The following CHN2 variants were observed in gnomAD, a reference collection of about 807,000 sequenced individuals.
The protein encoded by CHN2 is beta-chimaerin.
A neutral mutation model predicts 56.3 loss-of-function variants in CHN2; 35 were observed. That is an observed-to-expected ratio of 0.62 (90% CI 0.47 to 0.82). The LOEUF (loss-of-function observed/expected upper bound fraction) is 0.82. Ranked by LOEUF, CHN2 falls within the 40% of genes least tolerant of loss-of-function variation. The pLI is 0.00. For missense variants in CHN2, 491 were observed against 580.5 expected (o/e 0.85, Z 1.58); for synonymous variants, 210 against 212.8 (o/e 0.99, Z 0.12).
At chr7:29,160,274 C>T (rs1794997737) in intron 2 of CHN2, among the ~76,000 whole-genome samples, 1 of 152,190 alleles carries the variant, frequency 6.6e-6, no homozygotes, top group Admixed American at 6.5e-5. Context: ...ATGAGCAGTA[C>T]ATTCTGGAAC....
chr7:29,212,757 G>A (rs137913730), intron 1 of CHN2: 1 of 1,609,896 alleles, frequency 6.2e-7, no homozygotes, highest in African/African-American at 1.3e-5. Context: ...TCTAAGAGGT[G>A]GCAGAAAAAC....
At chr7:29,462,964 C>T (rs1301847378) in intron 6 of CHN2, among the ~76,000 whole-genome samples, 1 of 131,794 alleles carries the variant, frequency 7.6e-6, no homozygotes, top group Non-Finnish European at 1.5e-5. Context: ...TATCCGGGTT[C>T]CCAAGGAAGA....
At position 29,224,671 on chromosome 7, in the gene CHN2, C is replaced by T. The variant is rs186920414; in HGVS notation, c.49+29681C>T. Among the ~76,000 whole-genome samples, 233 of 152,302 alleles carry T rather than the reference C, an allele frequency of 1.5e-3. 1 individual carries two copies. The highest frequency in any genetic ancestry group is 5.3e-3 in the African/African-American group (219 of 41,562). On this transcript the variant is annotated intron_variant, in intron 1 of 12. Coordinates refer to ENST00000222792, the MANE Select transcript of CHN2 (RefSeq NM_004067.4). ...GAGGAACAATTGAAATGGCCTATAA[C>T]AGCTAATCCATATGGGGATAAAGTT...
chr7:29,404,884 A>AT (rs980789349), intron 6 of CHN2, among the ~76,000 whole-genome samples: 1 of 151,856 alleles, frequency 6.6e-6, no homozygotes, highest in Non-Finnish European at 1.5e-5. Flanking sequence ...TTTAGCATAT[A>AT]TTTTTTTCAT....
intron 6 of CHN2, among the ~76,000 whole-genome samples, chr7:29,421,260 G>C (rs1377798378): frequency 6.6e-6 from 1 of 152,192 alleles, no homozygotes; most frequent in African/African-American, 2.4e-5. Context: ...GTCAGCAACA[G>C]AGTCAGCCGC....
chr7:29,358,517 C>T (rs535594649), intron 2 of CHN2, among the ~76,000 whole-genome samples: 6 of 152,196 alleles, frequency 3.9e-5, no homozygotes, highest in African/African-American at 9.6e-5. Context: ...GGCCGGACTG[C>T]GGTGGTGCTA....
intron 1 of CHN2, among the ~76,000 whole-genome samples, chr7:29,252,578 G>GTTTTTTTTTTTTGTTTTGT (rs1788669740): frequency 5.1e-5 from 1 of 19,488 alleles, no homozygotes; most frequent in African/African-American, 3.1e-4. Context: ...TGCATTCTTT[G>GTTTTTTTTTTTTGTTTTGT]TTTTTTTTTT....
intron 2 of CHN2, among the ~76,000 whole-genome samples, chr7:29,167,191 A>C (rs923079362): frequency 6.6e-6 from 1 of 152,164 alleles, no homozygotes; most frequent in Non-Finnish European, 1.5e-5. Flanking sequence ...CTAACTTTTA[A>C]TTATTTATTT....
intron 6 of CHN2, among the ~76,000 whole-genome samples, chr7:29,434,700 C>G (rs976385161): frequency 3.3e-5 from 5 of 152,138 alleles, no homozygotes; most frequent in African/African-American, 9.7e-5. Context: ...AGGCCATAGT[C>G]GCAGGTACTG....
chr7:29,419,145 G>T (rs186359482), intron 6 of CHN2, among the ~76,000 whole-genome samples: 27 of 148,676 alleles, frequency 1.8e-4, no homozygotes, highest in Non-Finnish European at 3.6e-4. Context: ...ACTTTCTGGG[G>T]TAGACACCTC....
chr7:29,240,360 C>T (rs1172932534), intron 1 of CHN2, among the ~76,000 whole-genome samples: 1 of 152,222 alleles, frequency 6.6e-6, no homozygotes, highest in African/African-American at 2.4e-5. Context: ...TGAGTATTGA[C>T]TCCATCTCTT....
intron 2 of CHN2, among the ~76,000 whole-genome samples, chr7:29,362,680 G>A (rs1397475691): frequency 6.6e-6 from 1 of 152,108 alleles, no homozygotes; most frequent in Admixed American, 6.5e-5. Flanking sequence ...TCCTCTATCT[G>A]TAACTCTCTC....
In CHN2 at chr7:29,352,181, G is replaced by A. The variant is rs547968000; in HGVS notation, c.50-2444G>A. ...AGGGGAACTTCATCTTCTGTCTTGA[G>A]ACCTTCCCCGAGTATATAGAAGGCG... On this transcript the variant is annotated intron_variant, in intron 1 of 12. Transcript: ENST00000222792. 8.5e-5 allele frequency among the ~76,000 whole-genome samples: 13 copies of A among 152,258 alleles called. No individual in the cohort carries two copies. The South Asian group carries it at 2.7e-3, about 32-fold the overall frequency.
rs903144656 is a variant in CHN2, at chr7:29,487,071, A to G, written c.654+6715A>G. 2.6e-5 allele frequency among the ~76,000 whole-genome samples: 4 copies of G among 152,086 alleles called. No homozygotes were observed. In the East Asian group the frequency reaches 7.7e-4, roughly 29 times the overall value. ...TTTTGTCTGCCTTGCCTTCTTATCAAGCTCCCAGGTGTCTATCACCCTTTT... is the reference window on the plus strand; with the variant it reads ...TTTTGTCTGCCTTGCCTTCTTATCAGGCTCCCAGGTGTCTATCACCCTTTT... On this transcript the variant is annotated intron_variant, in intron 7 of 12. Coordinates refer to ENST00000222792, the MANE Select transcript of CHN2 (RefSeq NM_004067.4).
intron 6 of CHN2, among the ~76,000 whole-genome samples, chr7:29,467,922 T>G (rs747481347): frequency 6.6e-5 from 10 of 152,176 alleles, no homozygotes; most frequent in Admixed American, 3.3e-4. Flanking sequence ...ACGATTCTAA[T>G]AAGATTTAGA....
chr7:29,443,887 A>G (rs1293170710), intron 6 of CHN2, among the ~76,000 whole-genome samples: 2 of 152,206 alleles, frequency 1.3e-5, no homozygotes, highest in Non-Finnish European at 2.9e-5. Context: ...CCTAATAAGA[A>G]CTAGACAAGA....
chr7:29,268,137 T>C (rs73684645), intron 1 of CHN2, among the ~76,000 whole-genome samples: 8,057 of 152,198 alleles, frequency 0.053, 709 homozygotes, highest in African/African-American at 0.18. Context: ...ACTAAGGGTG[T>C]GGGAACAAAT....
intron 7 of CHN2, among the ~76,000 whole-genome samples, chr7:29,485,704 C>T (rs1021155996): frequency 2.0e-5 from 3 of 152,118 alleles, no homozygotes; most frequent in South Asian, 2.1e-4. Context: ...GGAGAGACCT[C>T]GGGGACAGAA....
chr7:29,229,178 T>C (rs1786469548), intron 1 of CHN2, among the ~76,000 whole-genome samples: 1 of 151,978 alleles, frequency 6.6e-6, no homozygotes, highest in African/African-American at 2.4e-5. Context: ...AAGGATGAGA[T>C]AAAAGAGTGA....
Sources: gnomAD v4.1 joint callset for allele counts (sites outside exome capture counted in the v4.1 genomes callset) on GRCh38, gnomAD v4.1.1 for gene constraint, MANE v1.5 for transcripts, NCBI Gene and HGNC (gene_info 2026-07-23, HGNC 2026-07-21) for gene names.